ADAMTS9: variants seen among roughly 807,000 people sequenced by gnomAD.
ADAMTS9 encodes ADAM metallopeptidase with thrombospondin type 1 motif 9.
In ADAMTS9, 107 loss-of-function variants were observed where a neutral mutation model predicts 257.1. The ratio of observed to expected loss-of-function variants is 0.42; its 90% CI spans 0.36 to 0.49. ADAMTS9 has a LOEUF of 0.49. Among genes scored for constraint, ADAMTS9 ranks in the 20% least tolerant of loss-of-function variants. The pLI is 0.03. For synonymous variants in ADAMTS9, 982 were observed against 880.9 expected, an observed-to-expected ratio of 1.11 and a Z score of -2.03; for missense variants, 2,353 against 2,469.1, an observed-to-expected ratio of 0.95 and a Z score of 1.00.
chr3:64,602,915 C>T (rs537541214), intron 25 of ADAMTS9, among the ~76,000 whole-genome samples: 11 of 152,286 alleles, frequency 7.2e-5, no homozygotes, highest in Admixed American at 6.5e-5. Flanking sequence ...TTCTTCACTG[C>T]TCTTTCTCTA....
At chr3:64,640,811 A>C (rs1178062165) in intron 12 of ADAMTS9, among the ~76,000 whole-genome samples, 1 of 152,204 alleles carries the variant, frequency 6.6e-6, no homozygotes, top group Non-Finnish European at 1.5e-5. Context: ...GCAATTTATT[A>C]TCTATAAACA....
chr3:64,684,562 T>C (rs757964741), intron 2 of ADAMTS9, among the ~76,000 whole-genome samples: 1 of 151,670 alleles, frequency 6.6e-6, no homozygotes, highest in Non-Finnish European at 1.5e-5. Context: ...GGGGCAGGGG[T>C]TTTGGAGCTA....
chr3:64,682,218 G>A (rs972105398), intron 2 of ADAMTS9, among the ~76,000 whole-genome samples: 2 of 152,120 alleles, frequency 1.3e-5, no homozygotes, highest in Non-Finnish European at 2.9e-5. Flanking sequence ...TTCCTTGTTC[G>A]TCAGCTGGGG....
chr3:64,592,999 A>G (rs1011530430), intron 28 of ADAMTS9, among the ~76,000 whole-genome samples: 1 of 152,206 alleles, frequency 6.6e-6, no homozygotes, highest in African/African-American at 2.4e-5. Context: ...CTGATCTTCA[A>G]AAATGTTCAT....
chr3:64,660,409 C>T (rs116560867), intron 3 of ADAMTS9, among the ~76,000 whole-genome samples: 1,865 of 152,230 alleles, frequency 0.012, 33 homozygotes, highest in African/African-American at 0.041. Flanking sequence ...ATACAGTGGT[C>T]CCCCCTTTTT....
intron 25 of ADAMTS9, among the ~76,000 whole-genome samples, chr3:64,603,098 A>G (rs1272933132): frequency 6.6e-6 from 1 of 152,208 alleles, no homozygotes; most frequent in Non-Finnish European, 1.5e-5. Flanking sequence ...TTTGACGTAC[A>G]TAATCTCAAA....
chr3:64,670,083 T>C (rs35987975), intron 3 of ADAMTS9, among the ~76,000 whole-genome samples: 28,221 of 152,128 alleles, frequency 0.19, 3,040 homozygotes, highest in Non-Finnish European at 0.25. Flanking sequence ...CATGTGGTCA[T>C]AAGGACTGAA....
chr3:64,593,104 T>C (rs1165729775), intron 28 of ADAMTS9, among the ~76,000 whole-genome samples: 2 of 152,180 alleles, frequency 1.3e-5, no homozygotes, highest in Non-Finnish European at 2.9e-5. Flanking sequence ...TGGCGTTTCT[T>C]AAGTTCTGGA....
At chr3:64,636,815 A>G (rs758494941) in intron 12 of ADAMTS9, among the ~76,000 whole-genome samples, 4 of 152,216 alleles carry the variant, frequency 2.6e-5, no homozygotes, top group Admixed American at 6.5e-5. Flanking sequence ...AGGTTGAGTA[A>G]TTGTGATGGA....
intron 16 of ADAMTS9, among the ~76,000 whole-genome samples, chr3:64,629,294 T>A (rs1700306966): frequency 6.6e-6 from 1 of 152,178 alleles, no homozygotes; most frequent in African/African-American, 2.4e-5. Context: ...AAAACATAAA[T>A]GCAGTAAGAC....
intron 26 of ADAMTS9, among the ~76,000 whole-genome samples, chr3:64,597,477 T>A (rs2084387222): frequency 6.6e-6 from 1 of 152,222 alleles, no homozygotes; most frequent in Non-Finnish European, 1.5e-5. Context: ...ACTCCTTCAA[T>A]TACTCCAGGA....
At chr3:64,538,832 T>C (rs1366113597) in intron 37 of ADAMTS9, among the ~76,000 whole-genome samples, 1 of 152,194 alleles carries the variant, frequency 6.6e-6, no homozygotes, top group East Asian at 1.9e-4. Flanking sequence ...CAGGACCTTT[T>C]TTTTTTAGAA....
chr3:64,605,297 C>CAA, intron 23 of ADAMTS9, among the ~76,000 whole-genome samples: 1 of 152,172 alleles, frequency 6.6e-6, no homozygotes, highest in Admixed American at 6.5e-5. Flanking sequence ...TGAAAGGGAG[C>CAA]AGCCAAGTCC....
intron 30 of ADAMTS9, among the ~76,000 whole-genome samples, chr3:64,557,645 A>C (rs2083358020): frequency 6.6e-6 from 1 of 152,170 alleles, no homozygotes; most frequent in Non-Finnish European, 1.5e-5. Flanking sequence ...GGATGGCCTA[A>C]AATGTGCTAG....
intron 28 of ADAMTS9, among the ~76,000 whole-genome samples, chr3:64,575,936 T>G (rs2083832697): frequency 6.6e-6 from 1 of 152,184 alleles, no homozygotes; most frequent in East Asian, 1.9e-4. Context: ...TTAAAAAAAT[T>G]TTGTTAACTA....
intron 18 of ADAMTS9, among the ~76,000 whole-genome samples, chr3:64,621,819 G>C (rs1445713052): frequency 6.6e-6 from 1 of 151,024 alleles, no homozygotes; most frequent in Non-Finnish European, 1.5e-5. Flanking sequence ...AGAAAAAAAA[G>C]GTAGGCGGTA....
chr3:64,600,615 G>C (rs1373766433), intron 26 of ADAMTS9, among the ~76,000 whole-genome samples: 5 of 152,336 alleles, frequency 3.3e-5, no homozygotes. Context: ...AAAACCATGA[G>C]ACACTCGGTG....
chr3:64,581,439 T>C (rs914288457), intron 28 of ADAMTS9, among the ~76,000 whole-genome samples: 4 of 152,164 alleles, frequency 2.6e-5, no homozygotes, highest in Non-Finnish European at 5.9e-5. Flanking sequence ...ATTTTTGTAT[T>C]TTTGGTAGAG....
intron 19 of ADAMTS9, 143 bp from the exon 20 acceptor site, chr3:64,616,313 C>T (rs754083917): frequency 6.0e-6 from 5 of 838,058 alleles, no homozygotes; most frequent in Non-Finnish European, 9.2e-6. Context: ...CAGTCAGTTG[C>T]TAAAATCTAA....
Sources: allele counts gnomAD v4.1 joint callset (sites outside exome capture counted in the v4.1 genomes callset), GRCh38; gene constraint gnomAD v4.1.1; transcripts MANE v1.5; gene names NCBI Gene and HGNC (gene_info 2026-07-23, HGNC 2026-07-21).